Variants in ZNF501 observed in about 807,000 individuals in gnomAD.
The protein encoded by ZNF501 is zinc finger protein 52.
Under a neutral mutation model 5.7 loss-of-function variants are expected in ZNF501, and 7 were observed. The observed-to-expected ratio is 1.24, with a 90% confidence interval of 0.70 to 2.32. The LOEUF (loss-of-function observed/expected upper bound fraction) is 2.32. Among genes scored for constraint, ZNF501 ranks in the 30% most tolerant of loss-of-function variants. The pLI is 0.00. For synonymous variants in ZNF501, 107 were observed against 101.9 expected (o/e 1.05, Z -0.30); for missense variants, 352 against 321.1 (o/e 1.10, Z -0.73).
Position 44,735,103 on chromosome 3 carries a change from C to G in ZNF501, c.682C>G (p.Arg228Gly), listed in dbSNP as rs202220207. 6.2e-7 allele frequency: 1 copy of G among 1,613,964 alleles called. No individual in the cohort carries two copies. The highest frequency in any genetic ancestry group is 8.5e-7 in the Non-Finnish European group (1 of 1,180,010). ...GTGTAGTGAGTGTGAAAAAACTTTC[C>G]GCAAACAAGCACACCTTAGTGAGCA... ...YKCSECEKTF[R>G]KQAHLSEHYR... The change falls in exon 3 of 3, where the codon CGC becomes GGC. Residue 228 changes from arginine (R) to glycine (G), a missense_variant. Transcript: ENST00000620116.
intron 1 of ZNF501, among the ~76,000 whole-genome samples, chr3:44,730,274 C>T (rs747856524): frequency 1.3e-5 from 2 of 152,176 alleles, no homozygotes; most frequent in Non-Finnish European, 2.9e-5. Flanking sequence ...GGTTAGGTAA[C>T]TTGTTCAAAA....
rs745487937 is a variant in ZNF501, at chr3:44,734,677, G to A, written c.256G>A (p.Ala86Thr). 222 of 1,614,130 alleles carry A rather than the reference G, an allele frequency of 1.4e-4. 2 individuals carry two copies. The South Asian group carries it at 1.7e-3, about 12-fold the overall frequency. ...KPYKCNECEK[A>T]FQTKAILVQH... ...TTATAAATGTAATGAATGTGAGAAA[G>A]CCTTTCAAACAAAAGCAATTCTTGT... Residue 86 changes from alanine (A) to threonine (T), a missense_variant, in exon 3 of 3, where the codon GCC becomes ACC. Transcript: ENST00000620116.
Position 44,734,747 on chromosome 3 carries a change from A to G in ZNF501, c.326A>G (p.Asn109Ser). 1.9e-6 allele frequency: 3 copies of G among 1,614,000 alleles called. No individual in the cohort carries two copies. The highest frequency in any genetic ancestry group is 1.7e-6 in the Non-Finnish European group (2 of 1,179,962). The change falls in exon 3 of 3, where the codon AAT (asparagine) becomes AGT (serine). Residue 109 changes from asparagine to serine, a missense_variant. Coordinates refer to ENST00000620116, the MANE Select transcript of ZNF501 (RefSeq NM_001258280.2). ...IHTGEKPYKCNECGKAFCQSP... is the reference protein window; with the variant it reads ...IHTGEKPYKCSECGKAFCQSP... ...ACTGGAGAGAAACCCTATAAATGCA[A>G]TGAATGTGGAAAAGCCTTTTGTCAG... is the stretch of plus-strand genomic sequence containing the variant.
chr3:44,731,132 C>T (rs1413047342), intron 1 of ZNF501, among the ~76,000 whole-genome samples: 4 of 152,196 alleles, frequency 2.6e-5, no homozygotes, highest in South Asian at 2.1e-4. Flanking sequence ...CTACTGCCCT[C>T]TATTGTAGCC....
Position 44,736,575 on chromosome 3 carries a change from CAGGTGGGT to C in ZNF501, c.*1339_*1346del, listed in dbSNP as rs1704703969. On this transcript the variant is annotated 3_prime_UTR_variant, in exon 3 of 3. Transcript: ENST00000620116. ...TCTGTGAAAACCAGACACAGGTGGCCAGGTGGGTGTCGAACTCCTGACCTCAAGTGATC... is the reference window on the plus strand; with the variant it reads ...TCTGTGAAAACCAGACACAGGTGGCCGTCGAACTCCTGACCTCAAGTGATC... 6.0e-6 allele frequency: 1 copy of C among 166,984 alleles called. No individual in the cohort carries two copies. Among genetic ancestry groups the C allele is most frequent in the South Asian group, 2.1e-4 (1 of 4,818 alleles). 10.3% of individuals were successfully genotyped at this position (166,984 alleles called of 1,614,324 possible). A position where few individuals can be genotyped will look rare whatever the true frequency, so the allele number is the denominator to read the frequency against.
chr3:44,734,890 T>C lies in ZNF501; in HGVS notation c.469T>C (p.Ser157Pro), dbSNP rs776992185. 1 of 1,613,844 alleles carries C rather than the reference T, an allele frequency of 6.2e-7. No homozygotes were observed. The highest frequency in any genetic ancestry group is 1.1e-5 in the South Asian group (1 of 91,078). The change falls in exon 3 of 3, where the codon TCT becomes CCT. Residue 157 changes from serine to proline, a missense_variant. Transcript: ENST00000620116. ...CCTTACTCGTCATCAGAGAAGTCAT[T>C]CTGGAGATAAACCTTTTAAGTGTAA... Reference protein sequence around the residue: ...ICLTRHQRSHSGDKPFKCNEC... With the variant: ...ICLTRHQRSHPGDKPFKCNEC...
At chr3:44,732,638 G>C (rs925099517) in intron 2 of ZNF501, among the ~76,000 whole-genome samples, 1 of 152,200 alleles carries the variant, frequency 6.6e-6, no homozygotes, top group Non-Finnish European at 1.5e-5. Flanking sequence ...AACATGAAGT[G>C]ATCTCTAAGA....
chr3:44,735,053 C>G lies in ZNF501; in HGVS notation c.632C>G (p.Thr211Ser). The G allele has an allele frequency of 6.2e-7, 1 of 1,614,118 alleles. No individual in the cohort carries two copies. Among genetic ancestry groups the G allele is most frequent in the Non-Finnish European group, 8.5e-7 (1 of 1,180,010 alleles). Residue 211 changes from threonine (T) to serine (S), a missense_variant, in exon 3 of 3, where the codon ACT (threonine) becomes AGT (serine). Transcript: ENST00000620116. ...TCTTCCCTTGTTGAACATGAAAGGA[C>G]TCACACTGGAGAGAAACTTTATAAG... ...QNSSLVEHERTHTGEKLYKCS... is the reference protein window; with the variant it reads ...QNSSLVEHERSHTGEKLYKCS...
rs375109474 is a variant in ZNF501, at chr3:44,734,843, A to G, written c.422A>G (p.Lys141Arg). 3.1e-6 allele frequency: 5 copies of G among 1,613,850 alleles called. No homozygotes were observed. The highest frequency in any genetic ancestry group is 1.7e-5 in the Admixed American group (1 of 60,012). Residue 141 changes from lysine to arginine, a missense_variant, in exon 3 of 3, where the codon AAA becomes AGA. Transcript: ENST00000620116. ...EKPYKCTECG[K>R]AFSQSICLTR... ...CCATATAAATGTACAGAATGTGGCAAAGCCTTCAGTCAGAGCATATGCCTT... is the reference window on the plus strand; with the variant it reads ...CCATATAAATGTACAGAATGTGGCAGAGCCTTCAGTCAGAGCATATGCCTT...
At chr3:44,730,530 A>C (rs1308283903) in intron 1 of ZNF501, among the ~76,000 whole-genome samples, 1 of 152,238 alleles carries the variant, frequency 6.6e-6, no homozygotes, top group African/African-American at 2.4e-5. Flanking sequence ...TGAGGAAATA[A>C]AAGAGACGTT....
At position 44,735,025 on chromosome 3, in the gene ZNF501, A is replaced by G. The variant is rs1704673555; in HGVS notation, c.604A>G (p.Asn202Asp). ...CTECGKAFTQ[N>D]SSLVEHERTH... Reference sequence around the variant, plus strand: ...TGAATGTGGTAAAGCCTTCACTCAGAACTCTTCCCTTGTTGAACATGAAAG... The same window carrying G: ...TGAATGTGGTAAAGCCTTCACTCAGGACTCTTCCCTTGTTGAACATGAAAG... The change falls in exon 3 of 3, where the codon AAC becomes GAC. Residue 202 changes from asparagine (N) to aspartate (D), a missense_variant. Coordinates refer to ENST00000620116, the MANE Select transcript of ZNF501 (RefSeq NM_001258280.2). The G allele has an allele frequency of 6.2e-7, 1 of 1,614,186 alleles. No homozygotes were observed. Among genetic ancestry groups the G allele is most frequent in the Non-Finnish European group, 8.5e-7 (1 of 1,180,014 alleles).
intron 2 of ZNF501, among the ~76,000 whole-genome samples, chr3:44,732,969 G>A (rs916445399): frequency 5.3e-5 from 8 of 152,066 alleles, no homozygotes; most frequent in Non-Finnish European, 1.0e-4. Flanking sequence ...GACTACAGGT[G>A]CACATGACCA....
chr3:44,731,546 A>G lies in ZNF501; in HGVS notation c.-240A>G, dbSNP rs1256344262. 6.6e-6 allele frequency: 1 copy of G among 152,164 alleles called. No homozygotes were observed. The highest frequency in any genetic ancestry group is 1.5e-5 in the Non-Finnish European group (1 of 68,032). The allele number at this position is 152,164 out of a possible 1,614,324, so 9.4% of individuals were successfully genotyped here. ...AAAGCCAGTATTGCTTGTGCTCCTAACAACCTGTCTCTTGGTAAGTTAACT... is the reference window on the plus strand; with the variant it reads ...AAAGCCAGTATTGCTTGTGCTCCTAGCAACCTGTCTCTTGGTAAGTTAACT... On this transcript the variant is annotated 5_prime_UTR_variant, in exon 2 of 3. An upstream open reading frame in the 5' UTR loses its in-frame stop. Transcript: ENST00000620116.
rs374580513 is a variant in ZNF501, at chr3:44,734,774, G to A, written c.353G>A (p.Ser118Asn). The A allele has an allele frequency of 5.0e-6, 8 of 1,613,976 alleles. No individual in the cohort carries two copies. The African/African-American group carries it at 9.3e-5, about 19-fold the overall frequency. ...GAATGTGGAAAAGCCTTTTGTCAGA[G>A]CCCATCCCTTATTAAACACCAGCGA... ...CNECGKAFCQ[S>N]PSLIKHQRIH... The change falls in exon 3 of 3, where the codon AGC becomes AAC. Residue 118 changes from serine (S) to asparagine (N), a missense_variant. Coordinates refer to ENST00000620116, the MANE Select transcript of ZNF501 (RefSeq NM_001258280.2).
chr3:44,734,603 AAC>A lies in ZNF501; in HGVS notation c.184_185del (p.Gln62ValfsTer17). On this transcript the variant is annotated frameshift_variant, in exon 3 of 3. Transcript: ENST00000620116. LOFTEE classifies it high-confidence loss of function. Reference sequence around the variant, plus strand: ...AGTGAATGTGGAAGTTGTTTCCGTAAACAGTCAAATCTTACTCAACATCTGAG... The same window carrying A: ...AGTGAATGTGGAAGTTGTTTCCGTAAAGTCAAATCTTACTCAACATCTGAG... 6.2e-7 allele frequency: 1 copy of A among 1,614,208 alleles called. No individual in the cohort carries two copies. Among genetic ancestry groups the A allele is most frequent in the African/African-American group, 1.3e-5 (1 of 75,070 alleles).
In ZNF501 at chr3:44,735,850, A is replaced by G. The variant is rs115922721; in HGVS notation, c.*613A>G. 1,891 of 167,066 alleles carry G rather than the reference A, an allele frequency of 0.011. 14 individuals are homozygous for G. Among genetic ancestry groups the G allele is most frequent in the Non-Finnish European group, 0.016 (1,106 of 68,086 alleles). 10.3% of individuals were successfully genotyped at this position (167,066 alleles called of 1,614,324 possible). A position where few individuals can be genotyped will look rare whatever the true frequency, so the allele number is the denominator to read the frequency against. On this transcript the variant is annotated 3_prime_UTR_variant, in exon 3 of 3. Coordinates refer to ENST00000620116, the MANE Select transcript of ZNF501 (RefSeq NM_001258280.2). ...CATTTAAATTTTGATACTTTCTATT[A>G]CTAGATCTAATTTGATTTTAAGCTC...
Position 44,734,914 on chromosome 3 carries a change from A to G in ZNF501, c.493A>G (p.Asn165Asp). 2.5e-6 allele frequency: 4 copies of G among 1,614,040 alleles called. No homozygotes were observed. The highest frequency in any genetic ancestry group is 1.3e-5 in the African/African-American group (1 of 75,064). ...SHSGDKPFKC[N>D]ECGKAFNQSA... is the part of the protein sequence containing the mutation. ...TTCTGGAGATAAACCTTTTAAGTGT[A>G]ATGAATGTGGGAAAGCCTTTAATCA... The change falls in exon 3 of 3, where the codon AAT (asparagine) becomes GAT (aspartate). Residue 165 changes from asparagine (N) to aspartate (D), a missense_variant. Transcript: ENST00000620116.
Position 44,735,098 on chromosome 3 carries a change from CTT to C in ZNF501, c.679_680del (p.Phe227ProfsTer7), listed in dbSNP as rs747795074. On this transcript the variant is annotated frameshift_variant, in exon 3 of 3. Coordinates refer to ENST00000620116, the MANE Select transcript of ZNF501 (RefSeq NM_001258280.2). LOFTEE classifies it high-confidence loss of function. ...TATAAGTGTAGTGAGTGTGAAAAAA[CTT>C]TCCGCAAACAAGCACACCTTAGTGA... The C allele has an allele frequency of 1.2e-6, 2 of 1,614,036 alleles. No homozygotes were observed. The highest frequency in any genetic ancestry group is 1.7e-5 in the Admixed American group (1 of 60,000).
At chr3:44,731,029 A>T (rs530080839) in intron 1 of ZNF501, among the ~76,000 whole-genome samples, 1 of 152,258 alleles carries the variant, frequency 6.6e-6, no homozygotes, top group African/African-American at 2.4e-5. Context: ...TAAGAAATGG[A>T]TGAGACTGAG....
Sources: allele counts gnomAD v4.1 joint callset (sites outside exome capture counted in the v4.1 genomes callset), GRCh38; gene constraint gnomAD v4.1.1; transcripts MANE v1.5; gene names NCBI Gene and HGNC (gene_info 2026-07-23, HGNC 2026-07-21).